The following ALX4 variants were observed in gnomAD, a reference collection of about 807,000 sequenced individuals.
The protein encoded by ALX4 is homeobox protein aristaless-like 4.
Under a neutral mutation model 40.6 loss-of-function variants are expected in ALX4, and 22 were observed. That is an observed-to-expected ratio of 0.54 (90% CI 0.39 to 0.77). The LOEUF is 0.77. ALX4 is among the 30% of genes least tolerant of loss of function. ALX4 has a pLI of 0.00. For missense variants in ALX4, 556 were observed against 564.8 expected, an observed-to-expected ratio of 0.98 and a Z score of 0.16; for synonymous variants, 266 against 240.5, an observed-to-expected ratio of 1.11 and a Z score of -0.98.
chr11:44,303,975 G>A (rs1396041143), intron 1 of ALX4, among the ~76,000 whole-genome samples: 5 of 152,184 alleles, frequency 3.3e-5, no homozygotes, highest in Non-Finnish European at 7.3e-5. Flanking sequence ...TCTGGAGGCC[G>A]CGGTAACTGA....
In ALX4 at chr11:44,272,887, A is replaced by G. The variant is rs548380600; in HGVS notation, c.777+2461T>C. 6.6e-5 allele frequency among the ~76,000 whole-genome samples: 10 copies of G among 152,340 alleles called. No individual in the cohort carries two copies. The South Asian group carries it at 1.7e-3, about 25-fold the overall frequency. On this transcript the variant is annotated intron_variant, in intron 2 of 3. Coordinates refer to ENST00000652299, the MANE Select transcript of ALX4 (RefSeq NM_021926.4). ...CAACTCAACCGTGCAGCTCTTCAGCATCACTTCTGGTAGCTGCAGTTTCTG... is the reference window on the plus strand; with the variant it reads ...CAACTCAACCGTGCAGCTCTTCAGCGTCACTTCTGGTAGCTGCAGTTTCTG...
chr11:44,267,809 T>C (rs933973769), intron 2 of ALX4, among the ~76,000 whole-genome samples, 187 bp from the exon 3 acceptor site: 1 of 152,166 alleles, frequency 6.6e-6, no homozygotes, highest in Admixed American at 6.5e-5. Flanking sequence ...AATCATCCAC[T>C]CTGAGCTGGG....
At chr11:44,275,741 C>T (rs914437943) in intron 1 of ALX4, 83 bp from the exon 2 acceptor site, 14 of 1,352,874 alleles carry the variant, frequency 1.0e-5, no homozygotes, top group South Asian at 2.7e-5. Flanking sequence ...GTGGGGCACT[C>T]GGGTAGCCAC....
At chr11:44,287,086 C>T (rs932559975) in intron 1 of ALX4, among the ~76,000 whole-genome samples, 6 of 152,206 alleles carry the variant, frequency 3.9e-5, no homozygotes, top group African/African-American at 7.2e-5. Context: ...CCAGCTTCCC[C>T]GTGGGTTCTT....
chr11:44,307,074 A>T (rs996465049), intron 1 of ALX4, among the ~76,000 whole-genome samples: 8 of 151,512 alleles, frequency 5.3e-5, no homozygotes, highest in Non-Finnish European at 1.2e-4. Flanking sequence ...TTTATGACCC[A>T]GAGCAGTGGC....
At chr11:44,293,555 T>C (rs1007919682) in intron 1 of ALX4, among the ~76,000 whole-genome samples, 2 of 152,246 alleles carry the variant, frequency 1.3e-5, no homozygotes, top group Non-Finnish European at 1.5e-5. Flanking sequence ...TGCAACGGGA[T>C]AGATCTCCTG....
chr11:44,265,193 G>A lies in ALX4; in HGVS notation c.907-10C>T. On this transcript the variant is annotated splice_polypyrimidine_tract_variant and intron_variant, in intron 3 of 3. Transcript: ENST00000652299. ...AGGACGGGTTCTGAATCTGGGAGAG[G>A]AAGGGAGAGATGTCACCGGCTGGCG... 3 of 1,594,758 alleles carry A rather than the reference G, an allele frequency of 1.9e-6. No homozygotes were observed. The highest frequency in any genetic ancestry group is 2.6e-6 in the Non-Finnish European group (3 of 1,169,306).
chr11:44,307,493 A>C (rs1344829947), intron 1 of ALX4, among the ~76,000 whole-genome samples: 3 of 152,228 alleles, frequency 2.0e-5, no homozygotes, highest in Non-Finnish European at 4.4e-5. Flanking sequence ...GAAGGCATTT[A>C]ACCAAGAGGT....
Position 44,265,139 on chromosome 11 carries a change from T to G in ALX4, c.951A>C (p.Pro317=), listed in dbSNP as rs1402115982. Reference sequence around the variant, plus strand: ...CGCAGGGGACCACGCAGGCTGGCACTGGTGAGGCAGCCCCGTTGTTGCCGA... The same window carrying G: ...CGCAGGGGACCACGCAGGCTGGCACGGGTGAGGCAGCCCCGTTGTTGCCGA... ...SWLGNNGAAS[P]VPACVVPCDP... is the part of the protein sequence containing the mutation. The change falls in exon 4 of 4, where the codon CCA becomes CCC. Residue 317 remains proline, a synonymous_variant. Transcript: ENST00000652299. The G allele has an allele frequency of 6.2e-7, 1 of 1,607,446 alleles. No homozygotes were observed. Among genetic ancestry groups the G allele is most frequent in the East Asian group, 2.2e-5 (1 of 44,666 alleles).
At chr11:44,291,626 G>A (rs921417974) in intron 1 of ALX4, among the ~76,000 whole-genome samples, 3 of 151,972 alleles carry the variant, frequency 2.0e-5, no homozygotes, top group Admixed American at 6.6e-5. Context: ...GGCTGGTCTT[G>A]AACTCATGAG....
chr11:44,285,829 C>A (rs777133394), intron 1 of ALX4, among the ~76,000 whole-genome samples: 3 of 152,186 alleles, frequency 2.0e-5, no homozygotes, highest in Non-Finnish European at 4.4e-5. Context: ...CACTGAATCC[C>A]CTGCTTTACA....
chr11:44,281,550 G>A (rs1429241444), intron 1 of ALX4, among the ~76,000 whole-genome samples: 3 of 151,966 alleles, frequency 2.0e-5, no homozygotes, highest in Admixed American at 2.0e-4. Flanking sequence ...CGGGTGAGCT[G>A]GCCCCACACA....
chr11:44,271,409 C>G (rs192944065), intron 2 of ALX4, among the ~76,000 whole-genome samples: 136 of 152,298 alleles, frequency 8.9e-4, no homozygotes, highest in Non-Finnish European at 1.7e-3. Context: ...TCTTCTTCCT[C>G]GTCTATCAAA....
chr11:44,310,036 G>C lies in ALX4; in HGVS notation c.27C>G (p.Tyr9Ter), dbSNP rs1364732070. ...CCATGGCAGCGGCCGGCGACTCGCA[G>C]TAAGAGACGCAAGTCTCAGCATTCA... MNAETCVS[Y>*]CESPAAAMDA... Residue 9 changes from tyrosine (Y) to a stop codon, truncating the protein, a stop_gained, in exon 1 of 4, where the codon TAC becomes TAG. Transcript: ENST00000652299. LOFTEE classifies it high-confidence loss of function. The C allele has an allele frequency of 1.2e-6, 2 of 1,601,032 alleles. No individual in the cohort carries two copies. The highest frequency in any genetic ancestry group is 1.7e-6 in the Non-Finnish European group (2 of 1,174,234).
chr11:44,299,687 C>G (rs930950142), intron 1 of ALX4, among the ~76,000 whole-genome samples: 15 of 152,074 alleles, frequency 9.9e-5, no homozygotes, highest in Non-Finnish European at 1.6e-4. Flanking sequence ...AAGACCCTGT[C>G]TTTCATCTCC....
intron 2 of ALX4, 59 bp from the exon 3 acceptor site, chr11:44,267,681 T>G: frequency 6.2e-7 from 1 of 1,610,710 alleles, no homozygotes; most frequent in Non-Finnish European, 8.5e-7. Flanking sequence ...GAGGCCTCAC[T>G]TTCAGGCAGT....
At chr11:44,287,873 T>C (rs1216422537) in intron 1 of ALX4, among the ~76,000 whole-genome samples, 1 of 152,176 alleles carries the variant, frequency 6.6e-6, no homozygotes, top group Non-Finnish European at 1.5e-5. Flanking sequence ...TCATTGACCA[T>C]CTGGGACCTC....
At chr11:44,276,444 C>A (rs1388464581) in intron 1 of ALX4, among the ~76,000 whole-genome samples, 1 of 152,220 alleles carries the variant, frequency 6.6e-6, no homozygotes, top group African/African-American at 2.4e-5. Flanking sequence ...CAGCTCCCAG[C>A]CACTGCGTCT....
rs10734522 is a variant in ALX4 at position 44,260,570 on chromosome 11, A to G, written c.*4284T>C. On this transcript the variant is annotated 3_prime_UTR_variant, in exon 4 of 4. Transcript: ENST00000652299. The stretch of plus-strand genomic sequence containing the variant: ...TTTTGCCCCATGCCTGGGCCCCTAC[A>G]TCTCCTTCCCATCCGTGTTCCTCCT... 0.9 allele frequency: 137,487 copies of G among 152,222 alleles called. 62,173 individuals are homozygous for G. Among genetic ancestry groups the G allele is most frequent in the East Asian group, 0.99 (5,123 of 5,176 alleles). The allele number at this position is 152,222 out of a possible 1,614,324, so 9.4% of individuals were successfully genotyped here. A position where few individuals can be genotyped will look rare whatever the true frequency, so the allele number is the denominator to read the frequency against.
Sources: gnomAD v4.1 joint callset for allele counts (sites outside exome capture counted in the v4.1 genomes callset) on GRCh38, gnomAD v4.1.1 for gene constraint, MANE v1.5 for transcripts, NCBI Gene and HGNC (gene_info 2026-07-23, HGNC 2026-07-21) for gene names.